SMYD3: variants seen among roughly 807,000 people sequenced by gnomAD.
The protein encoded by SMYD3 is SET and MYND domain containing 3.
In SMYD3, 36 loss-of-function variants were observed where a neutral mutation model predicts 57.7. The observed-to-expected ratio is 0.62, with a 90% confidence interval of 0.48 to 0.82. SMYD3 has a LOEUF of 0.82. SMYD3 is among the 40% of genes least tolerant of loss of function. The probability of loss-of-function intolerance (pLI) is 0.00; values close to 1 mark genes in which losing one functional copy is unlikely to be tolerated. For missense variants in SMYD3, 515 were observed against 538.8 expected, an observed-to-expected ratio of 0.96 and a Z score of 0.44; for synonymous variants, 211 against 195.0, an observed-to-expected ratio of 1.08 and a Z score of -0.68.
chr1:246,471,971 T>C (rs936850427), intron 1 of SMYD3, among the ~76,000 whole-genome samples: 5 of 152,192 alleles, frequency 3.3e-5, no homozygotes, highest in Non-Finnish European at 7.3e-5. Context: ...TAGGTGTTAC[T>C]TGTGATGTAT....
Position 246,086,803 on chromosome 1 carries a change from G to C in SMYD3, c.532-156866C>G, listed in dbSNP as rs567352296. Among the ~76,000 whole-genome samples the C allele has an allele frequency of 9.2e-5, 14 of 152,048 alleles. No homozygotes were observed. The South Asian group carries it at 2.5e-3, about 27-fold the overall frequency. ...ATGTAGGTAAATGTGTGCCATGGTGGTTTGCTGTACCTATCAATCCATCAC... is the reference window on the plus strand; with the variant it reads ...ATGTAGGTAAATGTGTGCCATGGTGCTTTGCTGTACCTATCAATCCATCAC... On this transcript the variant is annotated intron_variant, in intron 5 of 11. Transcript: ENST00000490107.
At chr1:245,989,665 A>G (rs947072284) in intron 5 of SMYD3, among the ~76,000 whole-genome samples, 1 of 152,372 alleles carries the variant, frequency 6.6e-6, no homozygotes, top group East Asian at 1.9e-4. Context: ...GGGATTAGAG[A>G]GAAAAACATT....
At chr1:246,032,699 G>T (rs575049355) in intron 5 of SMYD3, among the ~76,000 whole-genome samples, 1 of 152,130 alleles carries the variant, frequency 6.6e-6, no homozygotes, top group African/African-American at 2.4e-5. Context: ...ATACAATATT[G>T]TGACTATGAA....
intron 3 of SMYD3, among the ~76,000 whole-genome samples, chr1:246,334,770 TTAAC>T (rs1243934433): frequency 1.3e-5 from 2 of 152,162 alleles, no homozygotes; most frequent in African/African-American, 2.4e-5. Flanking sequence ...GAATTATAAA[TTAAC>T]TGATTAAAAA....
intron 1 of SMYD3, among the ~76,000 whole-genome samples, chr1:246,479,010 G>T (rs1487988572): frequency 6.6e-6 from 1 of 150,996 alleles, no homozygotes; most frequent in South Asian, 2.1e-4. Flanking sequence ...GCTCATATAT[G>T]TACACCTGTC....
chr1:246,162,359 G>A (rs1348233020), intron 5 of SMYD3, among the ~76,000 whole-genome samples: 3 of 152,208 alleles, frequency 2.0e-5, no homozygotes, highest in Non-Finnish European at 4.4e-5. Context: ...CAATTGGAAT[G>A]TGTCTCAGAG....
At position 246,291,766 on chromosome 1, in the gene SMYD3, T is replaced by A. The variant is rs146076372; in HGVS notation, c.531+35435A>T. 6.5e-3 allele frequency among the ~76,000 whole-genome samples: 983 copies of A among 152,288 alleles called. 9 individuals are homozygous for A. The highest frequency in any genetic ancestry group is 0.021 in the African/African-American group (892 of 41,556). On this transcript the variant is annotated intron_variant, in intron 5 of 11. Transcript: ENST00000490107. ...TTAACTTGCAGAATGAGGAAGCTAATTACAGTAGAAAGAAGAAAATATTAG... is the reference window on the plus strand; with the variant it reads ...TTAACTTGCAGAATGAGGAAGCTAAATACAGTAGAAAGAAGAAAATATTAG...
chr1:245,791,996 C>T (rs1476666555), intron 10 of SMYD3, among the ~76,000 whole-genome samples: 9 of 131,202 alleles, frequency 6.9e-5, no homozygotes, highest in South Asian at 5.3e-4. Context: ...AAGCGGTATA[C>T]GTATTCCCAA....
At chr1:246,489,259 T>A (rs142753965) in intron 1 of SMYD3, among the ~76,000 whole-genome samples, 2,423 of 152,106 alleles carry the variant, frequency 0.016, 68 homozygotes, top group African/African-American at 0.055. Context: ...GGCAGGAGAA[T>A]GGCGTGAACC....
rs142453154 is a variant in SMYD3, at chr1:246,351,672, T to C, written c.228+3359A>G. Among the ~76,000 whole-genome samples the C allele has an allele frequency of 1.6e-3, 250 of 152,300 alleles. 1 individual carries two copies. Among genetic ancestry groups the C allele is most frequent in the African/African-American group, 5.6e-3 (232 of 41,554 alleles). ...ACGCTATATATGATGCATAAACCAA[T>C]AGTTTGGTGTATATCCTCCATCCAT... On this transcript the variant is annotated intron_variant, in intron 2 of 11. Transcript: ENST00000490107.
At chr1:246,384,400 A>C (rs371563222) in intron 1 of SMYD3, among the ~76,000 whole-genome samples, 7 of 151,942 alleles carry the variant, frequency 4.6e-5, no homozygotes, top group East Asian at 1.9e-4. Context: ...TTAGAAACAG[A>C]ATTTTTTTTT....
At chr1:246,191,835 G>C (rs1327353028) in intron 5 of SMYD3, among the ~76,000 whole-genome samples, 1 of 152,138 alleles carries the variant, frequency 6.6e-6, no homozygotes, top group Non-Finnish European at 1.5e-5. Context: ...TATGGCCACG[G>C]ACCAACAGCA....
At chr1:245,914,832 T>A (rs1196826573) in intron 8 of SMYD3, among the ~76,000 whole-genome samples, 2 of 150,950 alleles carry the variant, frequency 1.3e-5, no homozygotes, top group African/African-American at 4.9e-5. Context: ...AGTATACACA[T>A]AATTAAGTAT....
intron 1 of SMYD3, among the ~76,000 whole-genome samples, chr1:246,479,998 T>C (rs1159406206): frequency 6.6e-6 from 1 of 152,196 alleles, no homozygotes; most frequent in Admixed American, 6.5e-5. Flanking sequence ...GGTCAGAAAC[T>C]ACTCCCCCGA....
At chr1:246,078,011 T>C (rs1458436237) in intron 5 of SMYD3, among the ~76,000 whole-genome samples, 1 of 152,056 alleles carries the variant, frequency 6.6e-6, no homozygotes, top group East Asian at 1.9e-4. Flanking sequence ...GCAGCCTCTT[T>C]TAAAGTGCCT....
intron 5 of SMYD3, among the ~76,000 whole-genome samples, chr1:246,278,404 A>T (rs2064377366): frequency 6.6e-6 from 1 of 152,160 alleles, no homozygotes; most frequent in Non-Finnish European, 1.5e-5. Flanking sequence ...GCAAAGGTAT[A>T]TGTCACTCCT....
At chr1:245,932,141 A>G (rs2147856787) in intron 5 of SMYD3, among the ~76,000 whole-genome samples, 1 of 152,358 alleles carries the variant, frequency 6.6e-6, no homozygotes, top group Admixed American at 6.5e-5. Flanking sequence ...CTTTAGTTGA[A>G]ATAATCCACC....
chr1:245,800,023 G>C (rs1484801697), intron 10 of SMYD3, among the ~76,000 whole-genome samples: 1 of 152,174 alleles, frequency 6.6e-6, no homozygotes, highest in Non-Finnish European at 1.5e-5. Context: ...TGCAAAAACC[G>C]CTGTGCAGCC....
intron 5 of SMYD3, among the ~76,000 whole-genome samples, chr1:246,260,275 G>A (rs1273098993): frequency 6.6e-6 from 1 of 151,950 alleles, no homozygotes. Flanking sequence ...CCAAATGCCT[G>A]GAGATCTGCC....
Sources: gnomAD v4.1 joint callset for allele counts (sites outside exome capture counted in the v4.1 genomes callset) on GRCh38, gnomAD v4.1.1 for gene constraint, MANE v1.5 for transcripts, NCBI Gene and HGNC (gene_info 2026-07-23, HGNC 2026-07-21) for gene names.